Variants in CCDC88B observed in about 807,000 individuals in gnomAD.
CCDC88B encodes coiled-coil and HOOK domain protein 88B, also known as coiled-coil domain-containing protein 88B.
A neutral mutation model predicts 183.7 loss-of-function variants in CCDC88B; 138 were observed. The ratio of observed to expected loss-of-function variants is 0.75; its 90% confidence interval spans 0.65 to 0.87. The LOEUF (loss-of-function observed/expected upper bound fraction) is 0.87, where lower values mean the gene tolerates loss of function less well. Among genes scored for constraint, CCDC88B ranks in the 40% least tolerant of loss-of-function variants. CCDC88B has a pLI of 0.00. For missense variants in CCDC88B, 1,822 were observed against 1,965.6 expected (o/e 0.93, Z 1.38); for synonymous variants, 835 against 867.5 (o/e 0.96, Z 0.66).
At chr11:64,356,653 C>T (rs893307204) in intron 26 of CCDC88B, 5 of 284,154 alleles carry the variant, frequency 1.8e-5, no homozygotes, top group African/African-American at 4.3e-5. Context: ...TACTTAGCTC[C>T]GCCCTGGGCA....
chr11:64,352,587 G>A (rs1022622273), intron 19 of CCDC88B, among the ~76,000 whole-genome samples, 157 bp from the exon 20 acceptor site: 2 of 152,242 alleles, frequency 1.3e-5, no homozygotes, highest in African/African-American at 2.4e-5. Context: ...TATTGGGAGT[G>A]GTGGGCACCT....
intron 23 of CCDC88B, 77 bp downstream of exon 23, chr11:64,353,890 C>T (rs1004866550): frequency 6.3e-7 from 1 of 1,593,478 alleles, no homozygotes; most frequent in South Asian, 1.1e-5. Context: ...GACCCCAGGC[C>T]CAGCTCAGGT....
At chr11:64,349,697 G>C (rs1014757276) in intron 16 of CCDC88B, 29 bp downstream of exon 16, 1 of 1,556,184 alleles carries the variant, frequency 6.4e-7, no homozygotes, top group Admixed American at 1.9e-5. Flanking sequence ...GGAGCTGGGG[G>C]CCATGCCACC....
In CCDC88B at chr11:64,343,282, G is replaced by T. The variant is rs1340693429; in HGVS notation, c.1166G>T (p.Arg389Leu). Reference sequence around the variant, plus strand: ...TGCGCCCGGCTGCACGAGACCCAGCGCGAGAACCTGCTGCTGCGAACCCGG... The same window carrying T: ...TGCGCCCGGCTGCACGAGACCCAGCTCGAGAACCTGCTGCTGCGAACCCGG... The part of the protein sequence containing the change: ...ERCARLHETQ[R>L]ENLLLRTRLG... Residue 389 changes from arginine (R) to leucine (L), a missense_variant, in exon 11 of 27, where the codon CGC becomes CTC. Transcript: ENST00000356786. The T allele has an allele frequency of 9.0e-6, 14 of 1,549,862 alleles. No individual in the cohort carries two copies. Among genetic ancestry groups the T allele is most frequent in the Non-Finnish European group, 1.2e-5 (14 of 1,146,828 alleles).
Position 64,342,687 on chromosome 11 carries a change from C to A in CCDC88B, c.1062+7C>A, listed in dbSNP as rs1242773425. 3 of 1,472,180 alleles carry A rather than the reference C, an allele frequency of 2.0e-6. No individual in the cohort carries two copies. The highest frequency in any genetic ancestry group is 2.7e-6 in the Non-Finnish European group (3 of 1,118,184). 91.2% of individuals were successfully genotyped at this position (1,472,180 alleles called of 1,614,324 possible). A position where few individuals can be genotyped will look rare whatever the true frequency, so the allele number is the denominator to read the frequency against. ...CTACAAGAGTCAGCTGGAGGTGAGGCGGAGACGGAGCCGCGGGGCGGGGCG... is the reference window on the plus strand; with the variant it reads ...CTACAAGAGTCAGCTGGAGGTGAGGAGGAGACGGAGCCGCGGGGCGGGGCG... On this transcript the variant is annotated splice_region_variant and intron_variant, in intron 10 of 26. Coordinates refer to ENST00000356786, the MANE Select transcript of CCDC88B (RefSeq NM_032251.6).
intron 25 of CCDC88B, 46 bp from the exon 26 acceptor site, chr11:64,355,514 A>T (rs772114241): frequency 1.2e-6 from 2 of 1,608,522 alleles, no homozygotes. Flanking sequence ...AGCTCTGTCC[A>T]CTTCCGCACT....
intron 19 of CCDC88B, 55 bp downstream of exon 19, chr11:64,352,441 A>AGACTC: frequency 6.7e-7 from 1 of 1,485,100 alleles, no homozygotes; most frequent in Non-Finnish European, 8.9e-7. Flanking sequence ...CTGCCAGAGA[A>AGACTC]GACTCCCCTC....
intron 8 of CCDC88B, 75 bp downstream of exon 8, chr11:64,342,214 T>C: frequency 6.3e-7 from 1 of 1,583,114 alleles, no homozygotes; most frequent in Non-Finnish European, 8.6e-7. Context: ...CTAGCCCTGG[T>C]GGCTACGGGA....
At chr11:64,351,311 G>T in intron 17 of CCDC88B, 56 bp downstream of exon 17, 1 of 1,498,220 alleles carries the variant, frequency 6.7e-7, no homozygotes, top group Non-Finnish European at 9.0e-7. Flanking sequence ...TGTGAGTGTG[G>T]GTCCACGGTG....
rs1192925663 is a variant in CCDC88B at position 64,357,263 on chromosome 11, G to C, written c.*169G>C. The C allele has an allele frequency of 2.5e-6, 2 of 797,414 alleles. No individual in the cohort carries two copies. The highest frequency in any genetic ancestry group is 1.7e-5 in the African/African-American group (1 of 58,734). The allele number at this position is 797,414 out of a possible 1,614,324, so 49.4% of individuals were successfully genotyped here. On this transcript the variant is annotated 3_prime_UTR_variant, in exon 27 of 27. Coordinates refer to ENST00000356786, the MANE Select transcript of CCDC88B (RefSeq NM_032251.6). The stretch of plus-strand genomic sequence containing the variant: ...CGGTCAGCGCCGGGGCCCGGAGATG[G>C]AGCTGGGACGAGTGTGTGGACAGGG...
rs558256802 is a variant in CCDC88B at position 64,354,110 on chromosome 11, G to A, written c.4039G>A (p.Glu1347Lys). The change falls in exon 24 of 27, where the codon GAG becomes AAG. Residue 1347 changes from glutamate (E) to lysine (K), a missense_variant. By Grantham distance (56) the Glu-to-Lys change is moderately conservative. Transcript: ENST00000356786. ...GGGGGCCGATGGGGCTGGCAGCACC[G>A]AGAGCCTGGGGGGCCCCCCGGAGAC... ...RLGADGAGSTESLGGPPETEL... is the reference protein window; with the variant it reads ...RLGADGAGSTKSLGGPPETEL... 1.1e-5 allele frequency: 15 copies of A among 1,385,454 alleles called. No homozygotes were observed. Among genetic ancestry groups the A allele is most frequent in the East Asian group, 1.0e-4 (4 of 38,720 alleles). 85.8% of individuals were successfully genotyped at this position (1,385,454 alleles called of 1,614,324 possible).
chr11:64,347,531 T>C (rs1208276563), intron 14 of CCDC88B, among the ~76,000 whole-genome samples: 1 of 152,034 alleles, frequency 6.6e-6, no homozygotes, highest in Middle Eastern at 3.2e-3. Flanking sequence ...AGAACACTGC[T>C]GGGTAGACAT....
At position 64,352,733 on chromosome 11, in the gene CCDC88B, G is replaced by A; in HGVS notation, c.3357-11G>A. On this transcript the variant is annotated splice_polypyrimidine_tract_variant and intron_variant, in intron 19 of 26. Coordinates refer to ENST00000356786, the MANE Select transcript of CCDC88B (RefSeq NM_032251.6). ...GTTCACACAGCCCTCTTAGCCCCTTGTCCATCCCAGGCACGAGCAGCTGCA... is the reference window on the plus strand; with the variant it reads ...GTTCACACAGCCCTCTTAGCCCCTTATCCATCCCAGGCACGAGCAGCTGCA... 3.7e-6 allele frequency: 6 copies of A among 1,613,372 alleles called. No homozygotes were observed. In the South Asian group the frequency reaches 5.5e-5, roughly 15 times the overall value.
Position 64,344,302 on chromosome 11 carries a change from G to T in CCDC88B, c.1761G>T (p.Glu587Asp). ...QESGSPVETQ[E>D]SPEKAGRRSS... ...CAGGCTCTCCTGTGGAGACACAGGA[G>T]TCCCCGGAGAAGGCTGGCCGTAGAT... The change falls in exon 14 of 27, where the codon GAG becomes GAT. Residue 587 changes from glutamate to aspartate, a missense_variant. Transcript: ENST00000356786. This position sits in a 1 kb window ranked among gnomAD's most constrained non-coding sequence, Gnocchi z 4.5. 6.2e-7 allele frequency: 1 copy of T among 1,613,720 alleles called. No homozygotes were observed. Among genetic ancestry groups the T allele is most frequent in the Non-Finnish European group, 8.5e-7 (1 of 1,179,972 alleles).
chr11:64,343,588 G>A lies in CCDC88B; in HGVS notation c.1291G>A (p.Glu431Lys). Reference protein sequence around the residue: ...ELELELQRSLEPPPGSPGEAP... With the variant: ...ELELELQRSLKPPPGSPGEAP... The stretch of plus-strand genomic sequence containing the variant: ...GGAGCTGGAGCTTCAGCGGAGCTTG[G>A]AGCCACCTCCAGGATCCCCTGGGGA... Residue 431 changes from glutamate (E) to lysine (K), a missense_variant, in exon 12 of 27, where the codon GAG (glutamate) becomes AAG (lysine). Glu to Lys is a moderately conservative substitution (Grantham distance 56, BLOSUM62 1). Transcript: ENST00000356786. 1 of 1,551,690 alleles carries A rather than the reference G, an allele frequency of 6.4e-7. No individual in the cohort carries two copies. The highest frequency in any genetic ancestry group is 8.7e-7 in the Non-Finnish European group (1 of 1,147,024).
chr11:64,346,078 G>A (rs1203240321), intron 14 of CCDC88B, among the ~76,000 whole-genome samples: 1 of 152,142 alleles, frequency 6.6e-6, no homozygotes, highest in Non-Finnish European at 1.5e-5. Flanking sequence ...GGATGATGAG[G>A]GCCAGCTTTG....
At chr11:64,353,968 C>T in intron 23 of CCDC88B, 36 bp from the exon 24 acceptor site, 1 of 1,528,020 alleles carries the variant, frequency 6.5e-7, no homozygotes, top group Non-Finnish European at 8.8e-7. Context: ...TCCCTCCTCC[C>T]TGTCCTGACC....
At position 64,355,271 on chromosome 11, in the gene CCDC88B, C is replaced by A. The variant is rs139070976; in HGVS notation, c.4177C>A (p.Arg1393=). The A allele has an allele frequency of 5.4e-5, 86 of 1,579,472 alleles. No individual in the cohort carries two copies. The highest frequency in any genetic ancestry group is 7.1e-5 in the Non-Finnish European group (83 of 1,164,188). Residue 1393 remains arginine (R), a synonymous_variant, in exon 25 of 27, where the codon CGG becomes AGG. Transcript: ENST00000356786. ...GGATGAGACCTTGGCAGGCGGGCAG[C>A]GGCGGAAACTCAGCTCAAGGTTCCC... ...LRDETLAGGQ[R]RKLSSRFPVG...
chr11:64,355,244 C>T lies in CCDC88B; in HGVS notation c.4150C>T (p.Arg1384Trp), dbSNP rs775297027. ...CCGGGCCCAGAGCTCCCTCTGCCTG[C>T]GGGATGAGACCTTGGCAGGCGGGCA... ...MRRAQSSLCLRDETLAGGQRR... is the reference protein window; with the variant it reads ...MRRAQSSLCLWDETLAGGQRR... Residue 1384 changes from arginine to tryptophan, a missense_variant, in exon 25 of 27, where the codon CGG becomes TGG. Physicochemically the swap from Arg to Trp is moderately radical, Grantham distance 101. Coordinates refer to ENST00000356786, the MANE Select transcript of CCDC88B (RefSeq NM_032251.6). 9 of 1,536,346 alleles carry T rather than the reference C, an allele frequency of 5.9e-6. No homozygotes were observed. The highest frequency in any genetic ancestry group is 1.8e-4 in the Middle Eastern group (1 of 5,680).
Sources: gnomAD v4.1 joint callset for allele counts (sites outside exome capture counted in the v4.1 genomes callset) on GRCh38, gnomAD v4.1.1 for gene constraint, Gnocchi (gnomAD v3.1) non-coding constraint, MANE v1.5 for transcripts, NCBI Gene and HGNC (gene_info 2026-07-23, HGNC 2026-07-21) for gene names.